Variants in SLC4A10 observed in about 807,000 individuals in gnomAD.
SLC4A10 encodes the protein solute carrier family 4 member 10, also known as sodium-driven chloride bicarbonate exchanger.
In SLC4A10, 42 loss-of-function variants were observed where a neutral mutation model predicts 137.7. The ratio of observed to expected loss-of-function variants is 0.30; its 90% CI spans 0.24 to 0.39. SLC4A10 has a LOEUF of 0.39. SLC4A10 is among the 10% of genes least tolerant of loss of function. SLC4A10 has a pLI of 1.00. For synonymous variants in SLC4A10, 474 were observed against 464.1 expected, an observed-to-expected ratio of 1.02 and a Z score of -0.27; for missense variants, 925 against 1,355.0, an observed-to-expected ratio of 0.68 and a Z score of 4.98.
rs146039018 is a variant in SLC4A10 at position 161,890,368 on chromosome 2, G to A, written c.1195-4311G>A. On this transcript the variant is annotated intron_variant, in intron 10 of 26. Transcript: ENST00000446997. ...TGTTGATTTTTCTGTCTCGTTGATC[G>A]GTCTAATATTGACAGTAGGGTGTTA... Among the ~76,000 whole-genome samples the A allele has an allele frequency of 3.4e-3, 517 of 151,910 alleles. 1 individual carries two copies. Among genetic ancestry groups the A allele is most frequent in the African/African-American group, 0.012 (492 of 41,462 alleles).
At chr2:161,960,161 C>G (rs931455181) in intron 21 of SLC4A10, among the ~76,000 whole-genome samples, 1 of 151,264 alleles carries the variant, frequency 6.6e-6, no homozygotes, top group Admixed American at 6.6e-5. Context: ...GTCAAGAGAT[C>G]GAGAACATCC....
chr2:161,952,628 G>T (rs1462896681), intron 19 of SLC4A10, among the ~76,000 whole-genome samples: 1 of 152,126 alleles, frequency 6.6e-6, no homozygotes, highest in Non-Finnish European at 1.5e-5. Context: ...CATAAACTCT[G>T]CTATATGGCC....
chr2:161,936,731 C>T (rs1408268014), intron 15 of SLC4A10, among the ~76,000 whole-genome samples: 1 of 152,038 alleles, frequency 6.6e-6, no homozygotes, highest in Non-Finnish European at 1.5e-5. Context: ...AAACACCAAC[C>T]TTTAGTTGAG....
intron 23 of SLC4A10, among the ~76,000 whole-genome samples, chr2:161,969,592 G>A (rs1226513925): frequency 6.6e-6 from 1 of 152,144 alleles, no homozygotes; most frequent in African/African-American, 2.4e-5. Flanking sequence ...CTCCTGGGTA[G>A]GAGGAAAGGG....
chr2:161,863,344 A>G (rs2060541090), intron 6 of SLC4A10, among the ~76,000 whole-genome samples: 1 of 152,188 alleles, frequency 6.6e-6, no homozygotes, highest in African/African-American at 2.4e-5. Context: ...ACATAAACAG[A>G]GCATCTGTGG....
At chr2:161,844,777 C>G (rs2059393451) in intron 4 of SLC4A10, among the ~76,000 whole-genome samples, 2 of 152,006 alleles carry the variant, frequency 1.3e-5, no homozygotes, top group African/African-American at 2.4e-5. Flanking sequence ...ACTTAATCCT[C>G]AAAGAATTCA....
intron 1 of SLC4A10, among the ~76,000 whole-genome samples, chr2:161,730,408 C>G (rs183766771): frequency 6.6e-6 from 1 of 152,238 alleles, no homozygotes; most frequent in East Asian, 1.9e-4. Context: ...ATAAAACAAT[C>G]TATTATCTGT....
chr2:161,695,141 G>C (rs976623566), intron 1 of SLC4A10, among the ~76,000 whole-genome samples: 1 of 151,990 alleles, frequency 6.6e-6, no homozygotes, highest in African/African-American at 2.4e-5. Context: ...TTACAATACA[G>C]AGAAATTAAG....
chr2:161,632,471 AC>A (rs2033733514), intron 1 of SLC4A10, among the ~76,000 whole-genome samples: 1 of 151,702 alleles, frequency 6.6e-6, no homozygotes. Context: ...AGCAAGACAC[AC>A]CCTTAAGGTA....
At chr2:161,753,390 C>T (rs1018755340) in intron 1 of SLC4A10, among the ~76,000 whole-genome samples, 1 of 152,262 alleles carries the variant, frequency 6.6e-6, no homozygotes, top group East Asian at 1.9e-4. Flanking sequence ...ATCTCTTCTT[C>T]AAAATAGCCT....
intron 23 of SLC4A10, among the ~76,000 whole-genome samples, chr2:161,966,043 A>G (rs751429305): frequency 3.3e-5 from 5 of 152,206 alleles, no homozygotes; most frequent in Admixed American, 6.5e-5. Flanking sequence ...AATGTATTCA[A>G]CTTTCTATTT....
chr2:161,655,917 A>G (rs2037461987), intron 1 of SLC4A10, among the ~76,000 whole-genome samples: 1 of 151,028 alleles, frequency 6.6e-6, no homozygotes, highest in South Asian at 2.1e-4. Context: ...TGGTTCAAGC[A>G]ATTCTCCTCC....
chr2:161,928,238 T>C (rs1689580020), intron 15 of SLC4A10, among the ~76,000 whole-genome samples: 1 of 149,304 alleles, frequency 6.7e-6, no homozygotes, highest in East Asian at 2.0e-4. Context: ...TGGATGAAAT[T>C]GGAAATCATC....
chr2:161,747,928 T>A (rs2048551007), intron 1 of SLC4A10, among the ~76,000 whole-genome samples: 1 of 152,190 alleles, frequency 6.6e-6, no homozygotes, highest in Non-Finnish European at 1.5e-5. Context: ...GTACAAGGCT[T>A]CTCTTTTCTC....
At chr2:161,668,643 G>A (rs900501561) in intron 1 of SLC4A10, among the ~76,000 whole-genome samples, 2 of 151,702 alleles carry the variant, frequency 1.3e-5, no homozygotes, top group African/African-American at 4.8e-5. Context: ...CTGGTTCAGG[G>A]AATCCATAAC....
intron 3 of SLC4A10, among the ~76,000 whole-genome samples, chr2:161,816,411 G>C (rs2057060183): frequency 6.6e-6 from 1 of 151,908 alleles, no homozygotes; most frequent in African/African-American, 2.4e-5. Context: ...GAATCATTAG[G>C]GCCCAAATTA....
chr2:161,742,435 CTT>C (rs199723029), intron 1 of SLC4A10, among the ~76,000 whole-genome samples: 1 of 129,328 alleles, frequency 7.7e-6, no homozygotes, highest in African/African-American at 3.3e-5. Flanking sequence ...TTCTTTCTTT[CTT>C]TCTTTTTTTT....
intron 1 of SLC4A10, among the ~76,000 whole-genome samples, chr2:161,642,377 A>G (rs1417262186): frequency 6.6e-6 from 1 of 151,952 alleles, no homozygotes. Flanking sequence ...CTTGAATGGG[A>G]ATGGAAAGAC....
chr2:161,960,737 A>G (rs1434115342), intron 21 of SLC4A10, among the ~76,000 whole-genome samples: 1 of 151,946 alleles, frequency 6.6e-6, no homozygotes, highest in Non-Finnish European at 1.5e-5. Flanking sequence ...AAGAAAAAAA[A>G]AAAAGGGAGA....
Sources: allele counts gnomAD v4.1 joint callset (sites outside exome capture counted in the v4.1 genomes callset), GRCh38; gene constraint gnomAD v4.1.1; transcripts MANE v1.5; gene names NCBI Gene and HGNC (gene_info 2026-07-23, HGNC 2026-07-21).